The following KANK1 variants were observed in gnomAD, a reference collection of about 807,000 sequenced individuals.
KANK1 encodes the protein KN motif and ankyrin repeat domains 1, also known as KN motif and ankyrin repeat domain-containing protein 1.
KANK1 carries 109 observed loss-of-function variants against 106.2 expected under a neutral mutation model. The ratio of observed to expected loss-of-function variants is 1.03; its 90% confidence interval spans 0.88 to 1.20. KANK1 has a LOEUF of 1.20. Ranked by LOEUF, KANK1 falls within the 50% of genes most tolerant of loss-of-function variation. The pLI is 0.00. For missense variants in KANK1, 2,399 were observed against 1,710.7 expected, an observed-to-expected ratio of 1.40 and a Z score of -7.10; for synonymous variants, 873 against 652.2, an observed-to-expected ratio of 1.34 and a Z score of -5.16.
At chr9:549,593 C>G (rs1208515226) in intron 1 of KANK1, 1 of 152,212 alleles carries the variant, frequency 6.6e-6, no homozygotes. Context: ...CAACACAGCC[C>G]GAGATGGGGA....
chr9:668,205 A>G (rs1360961820), intron 1 of KANK1, among the ~76,000 whole-genome samples: 1 of 152,148 alleles, frequency 6.6e-6, no homozygotes, highest in African/African-American at 2.4e-5. Context: ...AGTTGAGTGA[A>G]GTGTGTTTTA....
At chr9:522,373 G>A (rs1462264161) in intron 1 of KANK1, among the ~76,000 whole-genome samples, 2 of 151,678 alleles carry the variant, frequency 1.3e-5, no homozygotes, top group African/African-American at 4.9e-5. Context: ...CTGTGTGGGG[G>A]AGTGCACATA....
chr9:512,900 T>G lies in KANK1; in HGVS notation c.-84+8146T>G, dbSNP rs1217590547. Among the ~76,000 whole-genome samples, 4 of 152,362 alleles carry G rather than the reference T, an allele frequency of 2.6e-5. No homozygotes were observed. In the East Asian group the frequency reaches 7.7e-4, roughly 29 times the overall value. ...TATTAGATATCTTATTATTTTTGCC[T>G]TATTATTTTTAGTTGTCTTCTTTTG... On this transcript the variant is annotated intron_variant, in intron 1 of 11. Coordinates refer to ENST00000382297, the MANE Select transcript of KANK1 (RefSeq NM_015158.5).
intron 1 of KANK1, among the ~76,000 whole-genome samples, chr9:525,349 A>ATG (rs1563716017): frequency 3.8e-5 from 4 of 105,596 alleles, no homozygotes; most frequent in Non-Finnish European, 7.0e-5. Flanking sequence ...ATGTATACAT[A>ATG]CGTGTGTGTG....
intron 1 of KANK1, among the ~76,000 whole-genome samples, chr9:574,871 GA>G (rs889539405): frequency 1.1e-4 from 16 of 142,976 alleles, no homozygotes; most frequent in South Asian, 2.2e-4. Context: ...AAAAAAAAAA[GA>G]AAAAAAATAT....
At chr9:710,142 A>G (rs1825538102) in intron 2 of KANK1, among the ~76,000 whole-genome samples, 1 of 152,170 alleles carries the variant, frequency 6.6e-6, no homozygotes, top group Admixed American at 6.5e-5. Flanking sequence ...TAGAAGCTCA[A>G]AGCTCATCAT....
chr9:634,535 A>G (rs945104207), intron 1 of KANK1, among the ~76,000 whole-genome samples: 3 of 152,170 alleles, frequency 2.0e-5, no homozygotes, highest in African/African-American at 7.2e-5. Flanking sequence ...GATTATAGAA[A>G]GTATGCTTAC....
intron 6 of KANK1, chr9:733,383 A>T (rs1215186627): frequency 6.6e-6 from 1 of 152,222 alleles, no homozygotes; most frequent in South Asian, 2.1e-4. Flanking sequence ...TTTAGTTTAT[A>T]TTTCCAAGTG....
At chr9:480,658 A>G in intron 3 of KANK1, among the ~76,000 whole-genome samples, 1 of 152,198 alleles carries the variant, frequency 6.6e-6, no homozygotes, top group East Asian at 1.9e-4. Flanking sequence ...AGAAAGAATT[A>G]TTTTCGTCAG....
At chr9:648,488 T>C (rs1212165718) in intron 1 of KANK1, among the ~76,000 whole-genome samples, 3 of 152,180 alleles carry the variant, frequency 2.0e-5, no homozygotes, top group Non-Finnish European at 4.4e-5. Context: ...ATTTATCCAT[T>C]CATGCAAAAG....
intron 1 of KANK1, among the ~76,000 whole-genome samples, chr9:653,096 A>G (rs550549517): frequency 2.0e-5 from 3 of 152,302 alleles, no homozygotes; most frequent in Non-Finnish European, 2.9e-5. Flanking sequence ...TTTATTTAGC[A>G]ACGTCAGCTC....
chr9:476,211 C>A (rs1415075528), intron 3 of KANK1, among the ~76,000 whole-genome samples: 1 of 151,782 alleles, frequency 6.6e-6, no homozygotes, highest in Non-Finnish European at 1.5e-5. Context: ...ACAGTATTAG[C>A]CAAACATGAA....
chr9:509,698 A>G (rs2058943038), intron 1 of KANK1, among the ~76,000 whole-genome samples: 1 of 152,140 alleles, frequency 6.6e-6, no homozygotes, highest in Non-Finnish European at 1.5e-5. Flanking sequence ...CCTCTTGGGT[A>G]TTTCATAAAT....
chr9:710,625 AAAAACAAAAAAAAAC>A lies in KANK1; in HGVS notation c.38-174_38-160del, dbSNP rs1226249569. ...CAGAATGACCTGTCTCAAAAAAAAA[AAAAACAAAAAAAAAC>A]AAAAAAAACTTGCTTACCCAGCTGT... On this transcript the variant is annotated intron_variant, in intron 2 of 11. Transcript: ENST00000382297. 7.0e-5 allele frequency among the ~76,000 whole-genome samples: 9 copies of A among 128,682 alleles called. 2 individuals are homozygous for A. Among genetic ancestry groups the A allele is most frequent in the African/African-American group, 8.2e-5 (2 of 24,356 alleles). 84.4% of individuals were successfully genotyped at this position (128,682 alleles called of 152,430 possible). A position where few individuals can be genotyped will look rare whatever the true frequency, so the allele number is the denominator to read the frequency against.
intron 1 of KANK1, among the ~76,000 whole-genome samples, chr9:599,221 T>C (rs1338215643): frequency 6.6e-6 from 1 of 151,358 alleles, no homozygotes; most frequent in Non-Finnish European, 1.5e-5. Context: ...TTTTTCCATG[T>C]TGGTCAGGCT....
At chr9:551,024 G>C (rs532045169) in intron 1 of KANK1, among the ~76,000 whole-genome samples, 3 of 152,070 alleles carry the variant, frequency 2.0e-5, no homozygotes, top group Non-Finnish European at 4.4e-5. Flanking sequence ...AGCAGAAAAA[G>C]AGATGGGTCA....
intron 1 of KANK1, among the ~76,000 whole-genome samples, chr9:620,592 A>G (rs1405850001): frequency 6.6e-6 from 1 of 151,924 alleles, no homozygotes; most frequent in Non-Finnish European, 1.5e-5. Context: ...TTTTTAGTAG[A>G]GATGGGGTTT....
At chr9:701,497 G>A (rs190413204) in intron 2 of KANK1, among the ~76,000 whole-genome samples, 13 of 152,246 alleles carry the variant, frequency 8.5e-5, no homozygotes, top group East Asian at 3.9e-4. Flanking sequence ...CAGCCTCAGC[G>A]CTACTGACAT....
At chr9:673,022 C>A (rs193233245) in intron 1 of KANK1, among the ~76,000 whole-genome samples, 99 of 152,114 alleles carry the variant, frequency 6.5e-4, no homozygotes, top group Non-Finnish European at 1.1e-3. Context: ...GTGGCCAAAC[C>A]TTTTCTGGTT....
Sources: gnomAD v4.1 joint callset for allele counts (sites outside exome capture counted in the v4.1 genomes callset) on GRCh38, gnomAD v4.1.1 for gene constraint, MANE v1.5 for transcripts, NCBI Gene and HGNC (gene_info 2026-07-23, HGNC 2026-07-21) for gene names.